Variants in ARMH3 observed in about 807,000 individuals in gnomAD.
The protein encoded by ARMH3 is armadillo-like helical domain-containing protein 3.
In ARMH3, 60 loss-of-function variants were observed where a neutral mutation model predicts 99.1. The observed-to-expected ratio is 0.61, with a 90% CI of 0.49 to 0.75. The LOEUF is 0.75. Among genes scored for constraint, ARMH3 ranks in the 30% least tolerant of loss-of-function variants. ARMH3 has a pLI of 0.00. For synonymous variants in ARMH3, 285 were observed against 292.8 expected (o/e 0.97, Z 0.27); for missense variants, 679 against 843.1 (o/e 0.81, Z 2.41).
intron 23 of ARMH3, among the ~76,000 whole-genome samples, chr10:101,900,968 A>G (rs1480202575): frequency 1.3e-5 from 2 of 152,032 alleles, no homozygotes; most frequent in Non-Finnish European, 2.9e-5. Context: ...TGGGCAACAG[A>G]GCAAGACCCT....
chr10:101,866,734 G>A (rs988725757), intron 24 of ARMH3, among the ~76,000 whole-genome samples: 1 of 152,098 alleles, frequency 6.6e-6, no homozygotes, highest in Non-Finnish European at 1.5e-5. Flanking sequence ...TTAAAGCTGG[G>A]GAACTTAATA....
intron 1 of ARMH3, among the ~76,000 whole-genome samples, chr10:102,050,852 A>G (rs1014516015): frequency 8.1e-5 from 12 of 147,414 alleles, no homozygotes; most frequent in Admixed American, 2.7e-4. Flanking sequence ...ACAAGACTCC[A>G]TCTCAGAAAA....
intron 14 of ARMH3, among the ~76,000 whole-genome samples, chr10:102,003,349 A>G (rs2066412271): frequency 6.6e-6 from 1 of 152,032 alleles, no homozygotes. Flanking sequence ...TTTAGTAGAA[A>G]CAGGGTTTCA....
chr10:101,875,917 T>G (rs1274911225), intron 24 of ARMH3, among the ~76,000 whole-genome samples: 1 of 152,086 alleles, frequency 6.6e-6, no homozygotes, highest in Non-Finnish European at 1.5e-5. Context: ...ATCACACTAA[T>G]GGGGCTGGGG....
At chr10:101,880,661 C>A (rs1022609934) in intron 24 of ARMH3, among the ~76,000 whole-genome samples, 1 of 152,156 alleles carries the variant, frequency 6.6e-6, no homozygotes, top group Non-Finnish European at 1.5e-5. Flanking sequence ...AACCCCCGGC[C>A]CCCCAGCAAT....
chr10:101,865,252 GAGTA>G (rs1487479442), intron 24 of ARMH3, among the ~76,000 whole-genome samples: 4 of 150,260 alleles, frequency 2.7e-5, no homozygotes, highest in Non-Finnish European at 5.9e-5. Flanking sequence ...CAAACAAAAA[GAGTA>G]AGAAAACATT....
intron 22 of ARMH3, among the ~76,000 whole-genome samples, chr10:101,942,898 T>C (rs1387403117): frequency 6.6e-6 from 1 of 151,464 alleles, no homozygotes; most frequent in East Asian, 1.9e-4. Context: ...TTTCCTCTTC[T>C]AGCCAAGATG....
intron 1 of ARMH3, among the ~76,000 whole-genome samples, chr10:102,042,765 G>C (rs2067452619): frequency 6.6e-6 from 1 of 152,212 alleles, no homozygotes. Context: ...TTAAGCCTAT[G>C]CTCCTAATTT....
rs1464781857 is a variant in ARMH3, at chr10:102,009,069, T to C, written c.954+305A>G. ...AGAAAGCCCAATATAAAAATCCACA[T>C]AGCGGATAATACCAGGGATTTCTAG... is the stretch of plus-strand genomic sequence containing the variant. On this transcript the variant is annotated intron_variant, in intron 13 of 25. Transcript: ENST00000370033. Among the ~76,000 whole-genome samples, 4 of 152,304 alleles carry C rather than the reference T, an allele frequency of 2.6e-5. No individual in the cohort carries two copies. In the South Asian group the frequency reaches 8.3e-4, roughly 32 times the overall value.
chr10:102,006,642 G>A lies in ARMH3; in HGVS notation c.955-9C>T, dbSNP rs776545290. 5.0e-6 allele frequency: 8 copies of A among 1,611,886 alleles called. No homozygotes were observed. The East Asian group carries it at 1.6e-4, about 31-fold the overall frequency. On this transcript the variant is annotated splice_polypyrimidine_tract_variant and intron_variant, in intron 13 of 25. Transcript: ENST00000370033. The stretch of plus-strand genomic sequence containing the variant: ...CCCATTTCTGGATGGCTCTGAAAAA[G>A]ATACACAGATGTGTAAGAAAACAGA...
chr10:101,985,283 C>T (rs996946956), intron 19 of ARMH3, among the ~76,000 whole-genome samples: 15 of 137,896 alleles, frequency 1.1e-4, no homozygotes, highest in Middle Eastern at 3.9e-3. Context: ...TGTGTATATA[C>T]GTATATACAC....
intron 13 of ARMH3, among the ~76,000 whole-genome samples, chr10:102,007,803 A>G (rs910348837): frequency 6.9e-6 from 1 of 145,322 alleles, no homozygotes; most frequent in Non-Finnish European, 1.5e-5. Context: ...ACTGCACTCC[A>G]GCCTGGGTGA....
chr10:101,921,993 G>T (rs1479658241), intron 23 of ARMH3, among the ~76,000 whole-genome samples: 1 of 152,168 alleles, frequency 6.6e-6, no homozygotes, highest in Admixed American at 6.5e-5. Context: ...GACTTGAACT[G>T]TTCCCAACAC....
At chr10:102,025,270 CA>C in intron 5 of ARMH3, 22 bp from the exon 6 acceptor site, 1 of 1,594,752 alleles carries the variant, frequency 6.3e-7, no homozygotes, top group Non-Finnish European at 8.6e-7. Flanking sequence ...AACCAATAAG[CA>C]TTAAACCATA....
chr10:101,911,775 G>A (rs1484642088), intron 23 of ARMH3, among the ~76,000 whole-genome samples: 1 of 152,156 alleles, frequency 6.6e-6, no homozygotes, highest in Admixed American at 6.5e-5. Context: ...AGTGGCTCAC[G>A]CCTGTAATCC....
intron 22 of ARMH3, among the ~76,000 whole-genome samples, chr10:101,952,333 C>T (rs1844831459): frequency 6.6e-6 from 1 of 151,892 alleles, no homozygotes; most frequent in Admixed American, 6.6e-5. Flanking sequence ...CAAGACAAAC[C>T]CAAATTGAGG....
At chr10:101,878,643 AAAAAAAAC>A (rs2067329203) in intron 24 of ARMH3, among the ~76,000 whole-genome samples, 1 of 151,818 alleles carries the variant, frequency 6.6e-6, no homozygotes, top group Non-Finnish European at 1.5e-5. Context: ...CATCTCAAGA[AAAAAAAAC>A]AAAAAAAGAA....
At chr10:101,973,767 G>A (rs766400338) in intron 20 of ARMH3, among the ~76,000 whole-genome samples, 15 of 152,228 alleles carry the variant, frequency 9.9e-5, no homozygotes, top group Non-Finnish European at 1.8e-4. Flanking sequence ...ATCAGAAGAT[G>A]CAGGCGGAAA....
intron 23 of ARMH3, among the ~76,000 whole-genome samples, chr10:101,896,806 G>A (rs986106671): frequency 2.0e-5 from 3 of 152,250 alleles, no homozygotes; most frequent in Non-Finnish European, 4.4e-5. Context: ...CTTCTGGAGA[G>A]AGAGGGCTCT....
Sources: allele counts gnomAD v4.1 joint callset (sites outside exome capture counted in the v4.1 genomes callset), GRCh38; gene constraint gnomAD v4.1.1; transcripts MANE v1.5; gene names NCBI Gene and HGNC (gene_info 2026-07-23, HGNC 2026-07-21).